Variants in MNAT1 observed in about 807,000 individuals in gnomAD.
MNAT1 encodes the protein CDK-activating kinase assembly factor MAT1.
Under a neutral mutation model 42.0 loss-of-function variants are expected in MNAT1, and 43 were observed. That is an observed-to-expected ratio of 1.02 (90% CI 0.80 to 1.32). MNAT1 has a LOEUF of 1.32. MNAT1 is among the 40% of genes most tolerant of loss of function. MNAT1 has a pLI of 0.00. For synonymous variants in MNAT1, 118 were observed against 120.0 expected (o/e 0.98, Z 0.11); for missense variants, 306 against 350.4 (o/e 0.87, Z 1.01).
At chr14:60,791,985 C>T (rs891395572) in intron 1 of MNAT1, among the ~76,000 whole-genome samples, 1 of 152,082 alleles carries the variant, frequency 6.6e-6, no homozygotes, top group Admixed American at 6.6e-5. Context: ...TGTTCATCTT[C>T]TTTGGGCCAG....
intron 7 of MNAT1, among the ~76,000 whole-genome samples, chr14:60,938,440 T>C (rs934438795): frequency 6.6e-6 from 1 of 152,162 alleles, no homozygotes; most frequent in African/African-American, 2.4e-5. Flanking sequence ...GCATGAAGTG[T>C]TGTTGAGTTT....
chr14:60,915,333 A>G (rs1026172144), intron 7 of MNAT1, among the ~76,000 whole-genome samples: 1 of 152,134 alleles, frequency 6.6e-6, no homozygotes, highest in Non-Finnish European at 1.5e-5. Flanking sequence ...TCTTAATGCA[A>G]TTATATTACG....
At chr14:60,932,604 A>G (rs2035913550) in intron 7 of MNAT1, among the ~76,000 whole-genome samples, 1 of 151,924 alleles carries the variant, frequency 6.6e-6, no homozygotes, top group South Asian at 2.1e-4. Context: ...ACTTTAGAAA[A>G]CTATTTTTAA....
At chr14:60,887,387 C>A (rs181815809) in intron 7 of MNAT1, among the ~76,000 whole-genome samples, 1 of 108,762 alleles carries the variant, frequency 9.2e-6, no homozygotes, top group Non-Finnish European at 1.8e-5. Flanking sequence ...TATCCCTCCC[C>A]CCTCCCCCCA....
At position 60,773,339 on chromosome 14, in the gene MNAT1, T is replaced by C. The variant is rs772809274; in HGVS notation, c.90-22878T>C. On this transcript the variant is annotated intron_variant, in intron 1 of 7. Coordinates refer to ENST00000261245, the MANE Select transcript of MNAT1 (RefSeq NM_002431.4). ...AGTGAGTGGAAGTATTTTACTAAGGTGTTACATTCATTCAACCACTATTTG... is the reference window on the plus strand; with the variant it reads ...AGTGAGTGGAAGTATTTTACTAAGGCGTTACATTCATTCAACCACTATTTG... 1.1e-3 allele frequency among the ~76,000 whole-genome samples: 173 copies of C among 152,250 alleles called. 2 individuals are homozygous for C. Among genetic ancestry groups the C allele is most frequent in the Middle Eastern group, 0.01 (3 of 294 alleles).
At chr14:60,779,217 G>C (rs2031358062) in intron 1 of MNAT1, among the ~76,000 whole-genome samples, 1 of 152,172 alleles carries the variant, frequency 6.6e-6, no homozygotes, top group Non-Finnish European at 1.5e-5. Flanking sequence ...TATGTCTCAT[G>C]GTGTTCCTAA....
intron 1 of MNAT1, among the ~76,000 whole-genome samples, chr14:60,770,208 A>G (rs1303069031): frequency 6.6e-6 from 1 of 152,176 alleles, no homozygotes; most frequent in Non-Finnish European, 1.5e-5. Context: ...TGACTGCCTT[A>G]TTCACTTTGC....
At chr14:60,909,777 T>G (rs2035304795) in intron 7 of MNAT1, among the ~76,000 whole-genome samples, 1 of 152,206 alleles carries the variant, frequency 6.6e-6, no homozygotes, top group Non-Finnish European at 1.5e-5. Context: ...AGCTTTGTTC[T>G]TTTGGCTTAG....
chr14:60,869,025 T>TAC (rs2139445855), intron 6 of MNAT1, among the ~76,000 whole-genome samples: 10 of 88,812 alleles, frequency 1.1e-4, no homozygotes, highest in African/African-American at 2.8e-4. Context: ...ATTTTATACA[T>TAC]ATATATATAT....
intron 1 of MNAT1, among the ~76,000 whole-genome samples, chr14:60,761,317 C>T (rs537871111): frequency 7.9e-5 from 12 of 152,230 alleles, no homozygotes; most frequent in African/African-American, 2.6e-4. Context: ...TCACTTGGCC[C>T]TTAAATCACA....
At chr14:60,926,919 A>G (rs1566561679) in intron 7 of MNAT1, among the ~76,000 whole-genome samples, 1 of 152,098 alleles carries the variant, frequency 6.6e-6, no homozygotes, top group Non-Finnish European at 1.5e-5. Flanking sequence ...TGCTTCCTTC[A>G]AACAAAAGAT....
intron 6 of MNAT1, among the ~76,000 whole-genome samples, chr14:60,856,904 C>T (rs1170826838): frequency 6.6e-6 from 1 of 152,140 alleles, no homozygotes; most frequent in Non-Finnish European, 1.5e-5. Flanking sequence ...TGGTCTCGAA[C>T]TCCTCACCTC....
At chr14:60,897,678 T>A (rs1361009358) in intron 7 of MNAT1, among the ~76,000 whole-genome samples, 1 of 152,164 alleles carries the variant, frequency 6.6e-6, no homozygotes, top group Non-Finnish European at 1.5e-5. Context: ...ATAGAATGTG[T>A]AATTATCAAG....
At chr14:60,850,779 C>T (rs1387055681) in intron 6 of MNAT1, among the ~76,000 whole-genome samples, 5 of 152,022 alleles carry the variant, frequency 3.3e-5, no homozygotes, top group Non-Finnish European at 7.4e-5. Flanking sequence ...AAACCAAGAA[C>T]AGCAACAAAG....
chr14:60,736,233 G>A (rs1378950115), intron 1 of MNAT1, among the ~76,000 whole-genome samples: 1 of 151,766 alleles, frequency 6.6e-6, no homozygotes, highest in Non-Finnish European at 1.5e-5. Flanking sequence ...GAGAGATTTC[G>A]TTCAATTTCT....
chr14:60,924,307 G>A (rs990861431), intron 7 of MNAT1, among the ~76,000 whole-genome samples: 1 of 147,780 alleles, frequency 6.8e-6, no homozygotes, highest in Non-Finnish European at 1.5e-5. Flanking sequence ...TACATGTAAA[G>A]TTTATAATTC....
At chr14:60,860,773 T>C (rs181191443) in intron 6 of MNAT1, among the ~76,000 whole-genome samples, 35 of 152,292 alleles carry the variant, frequency 2.3e-4, no homozygotes, top group African/African-American at 7.7e-4. Flanking sequence ...TGGGGAGTCA[T>C]AGGCTGATAG....
intron 1 of MNAT1, among the ~76,000 whole-genome samples, chr14:60,750,965 A>C (rs778844731): frequency 2.0e-5 from 3 of 152,362 alleles, no homozygotes; most frequent in Non-Finnish European, 4.4e-5. Flanking sequence ...AAGTTTGTGC[A>C]AAAGTACAGC....
At chr14:60,774,215 T>C (rs578261833) in intron 1 of MNAT1, among the ~76,000 whole-genome samples, 1 of 152,294 alleles carries the variant, frequency 6.6e-6, no homozygotes, top group South Asian at 2.1e-4. Flanking sequence ...TAAGAGTCTT[T>C]CTAAAGAGGT....
Sources: gnomAD v4.1 joint callset for allele counts (sites outside exome capture counted in the v4.1 genomes callset) on GRCh38, gnomAD v4.1.1 for gene constraint, MANE v1.5 for transcripts, NCBI Gene and HGNC (gene_info 2026-07-23, HGNC 2026-07-21) for gene names.